The following AKT1 variants were observed in gnomAD, a reference collection of about 807,000 sequenced individuals.
AKT1 encodes RAC-alpha serine/threonine-protein kinase.
A neutral mutation model predicts 63.1 loss-of-function variants in AKT1; 21 were observed. That is an observed-to-expected ratio of 0.33 (90% CI 0.24 to 0.48). The LOEUF is 0.48. Among genes scored for constraint, AKT1 ranks in the 20% least tolerant of loss-of-function variants. The probability of loss-of-function intolerance (pLI) is 0.99; values close to 1 mark genes in which losing one functional copy is unlikely to be tolerated. For missense variants in AKT1, 382 were observed against 666.0 expected, an observed-to-expected ratio of 0.57 and a Z score of 4.69; for synonymous variants, 257 against 253.1, an observed-to-expected ratio of 1.02 and a Z score of -0.15.
Position 104,775,763 on chromosome 14 carries a change from G to A in AKT1, c.324C>T (p.Asp108=), listed in dbSNP as rs940028787. The A allele has an allele frequency of 2.9e-5, 47 of 1,613,900 alleles. No homozygotes were observed. Among genetic ancestry groups the A allele is most frequent in the South Asian group, 4.4e-5 (4 of 91,092 alleles). Residue 108 remains aspartate (D), a synonymous_variant, in exon 6 of 15, where the codon GAC becomes GAT. Transcript: ENST00000649815. ...CCTCCTCCTCCTGCTTCTTGAGGCC[G>A]TCAGCCACAGTCTGGATGGCGGTTG... ...EWTTAIQTVA[D]GLKKQEEEEM...
In AKT1 at chr14:104,772,869, G is replaced by A. The variant is rs529348439; in HGVS notation, c.1172+9C>T. 28 of 1,603,412 alleles carry A rather than the reference G, an allele frequency of 1.7e-5. No homozygotes were observed. Among genetic ancestry groups the A allele is most frequent in the South Asian group, 5.5e-5 (5 of 90,692 alleles). On this transcript the variant is annotated intron_variant, in intron 12 of 14. Coordinates refer to ENST00000649815, the MANE Select transcript of AKT1 (RefSeq NM_001382430.1). ...GGTGTAGCCTGTAGCTGGGATGGGC[G>A]GCCCTCACCTCTGCTTGGGGTCCTT...
chr14:104,790,044 C>T (rs1048149540), intron 3 of AKT1, among the ~76,000 whole-genome samples: 4 of 152,206 alleles, frequency 2.6e-5, no homozygotes, highest in African/African-American at 9.6e-5. Flanking sequence ...GACACTGCCA[C>T]CCCACCCCTC....
rs749796064 is a variant in AKT1 at position 104,780,110 on chromosome 14, G to A, written c.153C>T (p.Pro51=). The change falls in exon 4 of 15, where the codon CCC becomes CCT. Residue 51 remains proline, a synonymous_variant. Transcript: ENST00000649815. ...RPQDVDQREA[P]LNNFSVAQCQ... ...TACGCGCCACAGAGAAGTTGTTGAG[G>A]GGAGCCTCACGTTGGTCCACATCCT... 11 of 1,613,660 alleles carry A rather than the reference G, an allele frequency of 6.8e-6. No individual in the cohort carries two copies. The highest frequency in any genetic ancestry group is 8.5e-6 in the Non-Finnish European group (10 of 1,179,954).
chr14:104,777,460 G>A (rs1892794505), intron 4 of AKT1: 1 of 822,310 alleles, frequency 1.2e-6, no homozygotes, highest in South Asian at 4.5e-5. Context: ...CAGACATCTA[G>A]AACACATCTA....
At chr14:104,773,788 C>T in intron 9 of AKT1, 124 bp downstream of exon 9, 1 of 1,220,032 alleles carries the variant, frequency 8.2e-7, no homozygotes, top group Non-Finnish European at 1.2e-6. Flanking sequence ...AGGCATCACA[C>T]CACCCACCCA....
intron 2 of AKT1, 192 bp downstream of exon 2, chr14:104,792,935 C>T (rs1229995963): frequency 1.9e-5 from 11 of 575,184 alleles, no homozygotes; most frequent in Non-Finnish European, 3.4e-5. Flanking sequence ...GTGTCAAATC[C>T]ATGTAATTGA....
In AKT1 at chr14:104,776,689, C is replaced by T. The variant is rs773971502; in HGVS notation, c.257G>A (p.Arg86His). ...CTCAGGAGTCTCCACATGGAAGGTG[C>T]GTTCGATGACAGTGGTCCACTGCAG... ...RCLQWTTVIE[R>H]TFHVETPEER... The change falls in exon 5 of 15, where the codon CGC (arginine) becomes CAC (histidine). Residue 86 changes from arginine (R) to histidine (H), a missense_variant. This residue lies in a region of AKT1 where 226 missense variants were observed against 366.4 expected (regional missense o/e 0.62). Transcript: ENST00000649815. The T allele has an allele frequency of 3.7e-6, 6 of 1,613,342 alleles. No homozygotes were observed. Among genetic ancestry groups the T allele is most frequent in the South Asian group, 1.1e-5 (1 of 91,082 alleles).
intron 3 of AKT1, among the ~76,000 whole-genome samples, chr14:104,785,274 G>A (rs995376269): frequency 4.6e-5 from 7 of 152,124 alleles, no homozygotes; most frequent in African/African-American, 1.7e-4. Flanking sequence ...GCCTCTGCCC[G>A]GGCCCGGGAG....
chr14:104,770,628 G>T, intron 14 of AKT1, 117 bp downstream of exon 14: 1 of 1,081,242 alleles, frequency 9.2e-7, no homozygotes. Flanking sequence ...TCTCCAAAAG[G>T]AACCTTTTTA....
chr14:104,784,453 C>T (rs558533234), intron 3 of AKT1, among the ~76,000 whole-genome samples: 9 of 152,230 alleles, frequency 5.9e-5, no homozygotes, highest in East Asian at 3.9e-4. Flanking sequence ...ACCTCCTGGG[C>T]CCCACACAAC....
intron 12 of AKT1, 93 bp downstream of exon 12, chr14:104,772,785 G>A (rs1892464046): frequency 1.5e-6 from 2 of 1,322,246 alleles, no homozygotes; most frequent in Admixed American, 4.2e-5. Context: ...AGTGTAGTCT[G>A]GGAGGTGCCA....
intron 8 of AKT1, chr14:104,774,640 G>T (rs1037991760): frequency 8.9e-6 from 4 of 448,398 alleles, no homozygotes; most frequent in Non-Finnish European, 1.6e-5. Flanking sequence ...AGCCTGGCAG[G>T]CAGGGCTGCA....
chr14:104,770,143 C>T lies in AKT1; in HGVS notation c.*198G>A. 1.6e-6 allele frequency: 1 copy of T among 619,756 alleles called. No individual in the cohort carries two copies. The allele number at this position is 619,756 out of a possible 1,614,324, so 38.4% of individuals were successfully genotyped here. On this transcript the variant is annotated 3_prime_UTR_variant, in exon 15 of 15. Coordinates refer to ENST00000649815, the MANE Select transcript of AKT1 (RefSeq NM_001382430.1). ...ACTGGATGAAATAAATTAAAACCCG[C>T]AGGATAGTTTTCTTCCCTACCCCGC...
intron 13 of AKT1, chr14:104,772,164 T>C (rs768599510): frequency 1.6e-6 from 1 of 618,236 alleles, no homozygotes; most frequent in East Asian, 2.7e-5. Context: ...GCCAGTTTCC[T>C]GGTGGAACCC....
At chr14:104,785,963 C>T (rs1409905505) in intron 3 of AKT1, among the ~76,000 whole-genome samples, 2 of 152,112 alleles carry the variant, frequency 1.3e-5, no homozygotes, top group Admixed American at 6.5e-5. Flanking sequence ...CCCTGACAGA[C>T]CACCTGGGCC....
At chr14:104,775,581 C>G in intron 6 of AKT1, 71 bp downstream of exon 6, 2 of 1,566,032 alleles carry the variant, frequency 1.3e-6, no homozygotes, top group Non-Finnish European at 1.7e-6. Flanking sequence ...GAGCTGGGAC[C>G]CCATGACCCA....
In AKT1 at chr14:104,795,423, AGCGGCCCGGCCC is replaced by A. The variant is rs1009122146; in HGVS notation, c.-258+49_-258+60del. The stretch of plus-strand genomic sequence containing the variant: ...CCCCGGCCCGACCGGCCGCGAACAA[AGCGGCCCGGCCC>A]GCGGGGAGGAAATCCAGGCCCGGGC... On this transcript the variant is annotated intron_variant, in intron 1 of 14. Transcript: ENST00000649815. The surrounding 1 kb of genome is among the most constrained non-coding windows in gnomAD (Gnocchi z 5.1). 6.1e-5 allele frequency: 9 copies of A among 146,952 alleles called. No individual in the cohort carries two copies. Among genetic ancestry groups the A allele is most frequent in the African/African-American group, 2.2e-4 (9 of 40,728 alleles). The allele number at this position is 146,952 out of a possible 1,614,324, so 9.1% of individuals were successfully genotyped here. A position where few individuals can be genotyped will look rare whatever the true frequency, so the allele number is the denominator to read the frequency against.
chr14:104,782,385 G>A (rs1022783816), intron 3 of AKT1, among the ~76,000 whole-genome samples: 23 of 152,166 alleles, frequency 1.5e-4, no homozygotes, highest in African/African-American at 5.1e-4. Flanking sequence ...CCCCCACCGT[G>A]CCCAGCATGG....
Position 104,770,992 on chromosome 14 carries a change from C to T in AKT1, c.1261-145G>A, listed in dbSNP as rs1892352015. The T allele has an allele frequency of 2.0e-5, 14 of 686,862 alleles. No individual in the cohort carries two copies. The East Asian group carries it at 3.3e-4, about 16-fold the overall frequency. 42.5% of individuals were successfully genotyped at this position (686,862 alleles called of 1,614,324 possible). A position where few individuals can be genotyped will look rare whatever the true frequency, so the allele number is the denominator to read the frequency against. ...TGTCAGAGAGCAGCAAGCCACCAGC[C>T]CCCCACAGAGGCAGCTCTGGGAGGG... On this transcript the variant is annotated intron_variant, in intron 13 of 14. Coordinates refer to ENST00000649815, the MANE Select transcript of AKT1 (RefSeq NM_001382430.1).
Sources: gnomAD v4.1 joint callset for allele counts (sites outside exome capture counted in the v4.1 genomes callset) on GRCh38, gnomAD v4.1.1 for gene constraint, gnomAD v4.1.1 regional missense constraint, Gnocchi (gnomAD v3.1) non-coding constraint, MANE v1.5 for transcripts, NCBI Gene and HGNC (gene_info 2026-07-23, HGNC 2026-07-21) for gene names.